SLC35F4: variants seen among roughly 807,000 people sequenced by gnomAD.
SLC35F4 encodes the protein solute carrier family 35 member F4, also known as chromosome 14 open reading frame 36.
SLC35F4 carries 24 observed loss-of-function variants against 44.2 expected under a neutral mutation model. That is an observed-to-expected ratio of 0.54 (90% CI 0.39 to 0.76). The LOEUF is 0.76. Ranked by LOEUF, SLC35F4 falls within the 30% of genes least tolerant of loss-of-function variation. The probability of loss-of-function intolerance (pLI) is 0.00; values close to 1 mark genes in which losing one functional copy is unlikely to be tolerated. For synonymous variants in SLC35F4, 238 were observed against 223.6 expected, an observed-to-expected ratio of 1.06 and a Z score of -0.57; for missense variants, 562 against 586.1, an observed-to-expected ratio of 0.96 and a Z score of 0.42.
At chr14:57,743,926 C>G (rs1197457844) in intron 1 of SLC35F4, among the ~76,000 whole-genome samples, 1 of 152,130 alleles carries the variant, frequency 6.6e-6, no homozygotes, top group African/African-American at 2.4e-5. Flanking sequence ...TCAACAGATG[C>G]AAATCAATAA....
chr14:57,613,161 T>A (rs2071609335), intron 1 of SLC35F4, among the ~76,000 whole-genome samples: 1 of 152,198 alleles, frequency 6.6e-6, no homozygotes, highest in Non-Finnish European at 1.5e-5. Context: ...TGGGAAGCTG[T>A]CTGAGTTTCC....
chr14:57,975,923 C>G (rs1881201989), downstream of SLC35F4, among the ~76,000 whole-genome samples: 5 of 152,294 alleles, frequency 3.3e-5, no homozygotes, highest in South Asian at 1.0e-3. Flanking sequence ...ATAGTGGCAA[C>G]AGGGTGCCTT....
chr14:57,703,746 A>G (rs1332334702), intron 1 of SLC35F4, among the ~76,000 whole-genome samples: 1 of 152,234 alleles, frequency 6.6e-6, no homozygotes, highest in Non-Finnish European at 1.5e-5. Flanking sequence ...TTTGTCATTC[A>G]TTCTAAAGGG....
chr14:57,845,296 T>C (rs1885912757), intron 1 of SLC35F4, among the ~76,000 whole-genome samples: 1 of 152,242 alleles, frequency 6.6e-6, no homozygotes, highest in Non-Finnish European at 1.5e-5. Flanking sequence ...GCTATGCCCT[T>C]GGGCAAGGTA....
At chr14:57,604,163 C>T (rs2140000191) in intron 1 of SLC35F4, 1 of 152,294 alleles carries the variant, frequency 6.6e-6, no homozygotes, top group Non-Finnish European at 1.5e-5. Context: ...GCACCAACAT[C>T]ACTTCTCTTC....
At chr14:57,636,457 G>A (rs969585114) in intron 1 of SLC35F4, among the ~76,000 whole-genome samples, 3 of 152,046 alleles carry the variant, frequency 2.0e-5, no homozygotes, top group African/African-American at 7.2e-5. Flanking sequence ...CCCACTCCAT[G>A]TTATTCTTCC....
At chr14:57,673,633 C>T (rs905205136) in intron 1 of SLC35F4, among the ~76,000 whole-genome samples, 2 of 151,814 alleles carry the variant, frequency 1.3e-5, no homozygotes, top group African/African-American at 4.9e-5. Flanking sequence ...AACAATACTT[C>T]TCAAAGAAAT....
intron 1 of SLC35F4, among the ~76,000 whole-genome samples, chr14:57,676,185 C>T (rs2074686868): frequency 6.6e-6 from 1 of 152,004 alleles, no homozygotes; most frequent in African/African-American, 2.4e-5. Flanking sequence ...GTGAATAGTG[C>T]TGCAATGAAC....
rs1194661402 is a variant in SLC35F4, at chr14:57,630,484, A to G, written c.104-36360T>C. ...CCAAGAGAGAAATGAAGGCTGAATC[A>G]CATTCTAGGTCTGCATCTCACACCA... On this transcript the variant is annotated intron_variant, in intron 1 of 7. Coordinates refer to ENST00000556826, the MANE Select transcript of SLC35F4 (RefSeq NM_001306087.2). 9.6e-6 allele frequency: 9 copies of G among 940,412 alleles called. No individual in the cohort carries two copies. The East Asian group carries it at 2.2e-4, about 23-fold the overall frequency. The allele number at this position is 940,412 out of a possible 1,614,324, so 58.3% of individuals were successfully genotyped here.
chr14:57,619,891 A>G (rs1345814658), intron 1 of SLC35F4, among the ~76,000 whole-genome samples: 1 of 152,114 alleles, frequency 6.6e-6, no homozygotes, highest in African/African-American at 2.4e-5. Flanking sequence ...AATTTCGTGA[A>G]GCATATAAAG....
chr14:57,947,310 T>C (rs1053864788), intron 1 of SLC35F4, among the ~76,000 whole-genome samples: 15 of 151,748 alleles, frequency 9.9e-5, no homozygotes, highest in African/African-American at 3.6e-4. Context: ...AGGGATTGAG[T>C]TCCTGATTTG....
At position 57,743,785 on chromosome 14, in the gene SLC35F4, T is replaced by C. The variant is rs372692421; in HGVS notation, c.103+121938A>G. On this transcript the variant is annotated intron_variant, in intron 1 of 7. Transcript: ENST00000556826. ...AAGACACAACAAAAAAACACAATTTTAGGCCAATATCCCTGATGAACATCG... is the reference window on the plus strand; with the variant it reads ...AAGACACAACAAAAAAACACAATTTCAGGCCAATATCCCTGATGAACATCG... 1.3e-4 allele frequency among the ~76,000 whole-genome samples: 20 copies of C among 152,294 alleles called. No homozygotes were observed. In the East Asian group the frequency reaches 3.3e-3, roughly 25 times the overall value.
At chr14:57,587,879 A>AAAG (rs1292930828) in intron 3 of SLC35F4, among the ~76,000 whole-genome samples, 2 of 150,686 alleles carry the variant, frequency 1.3e-5, no homozygotes, top group African/African-American at 4.9e-5. Context: ...CCAAAAAAAA[A>AAAG]AAAAAAAAAG....
At chr14:57,762,769 T>C (rs2077154487) in intron 1 of SLC35F4, among the ~76,000 whole-genome samples, 1 of 152,110 alleles carries the variant, frequency 6.6e-6, no homozygotes, top group Non-Finnish European at 1.5e-5. Flanking sequence ...TGATGCCTTC[T>C]ACCATATTAT....
intron 1 of SLC35F4, among the ~76,000 whole-genome samples, chr14:57,785,322 T>C (rs1407044168): frequency 1.3e-5 from 2 of 152,218 alleles, no homozygotes; most frequent in Non-Finnish European, 2.9e-5. Flanking sequence ...CTCTCCTTGA[T>C]GATAGATAAT....
intron 1 of SLC35F4, among the ~76,000 whole-genome samples, chr14:57,657,816 C>T (rs2074014143): frequency 6.6e-6 from 1 of 152,056 alleles, no homozygotes; most frequent in East Asian, 1.9e-4. Context: ...ATAAAGAAAC[C>T]TCGGATTGGG....
At chr14:57,774,957 A>G (rs2077452926) in intron 1 of SLC35F4, among the ~76,000 whole-genome samples, 1 of 151,366 alleles carries the variant, frequency 6.6e-6, no homozygotes, top group Admixed American at 6.6e-5. Flanking sequence ...CCACCACACC[A>G]CCATTGTCAT....
chr14:57,759,494 C>G (rs2077072466), intron 1 of SLC35F4, among the ~76,000 whole-genome samples: 1 of 152,068 alleles, frequency 6.6e-6, no homozygotes, highest in African/African-American at 2.4e-5. Context: ...GTGGGAGGAT[C>G]ACCTGAGCCC....
chr14:57,567,481 T>C (rs1264422169), intron 6 of SLC35F4, among the ~76,000 whole-genome samples: 2 of 152,188 alleles, frequency 1.3e-5, no homozygotes, highest in African/African-American at 4.8e-5. Context: ...TGTTCTTCTA[T>C]TGTCATCTGT....
Sources: gnomAD v4.1 joint callset for allele counts (sites outside exome capture counted in the v4.1 genomes callset) on GRCh38, gnomAD v4.1.1 for gene constraint, MANE v1.5 for transcripts, NCBI Gene and HGNC (gene_info 2026-07-23, HGNC 2026-07-21) for gene names.